DNAH8: variants seen among roughly 807,000 people sequenced by gnomAD.
DNAH8 encodes dynein axonemal heavy chain 8, also known as axonemal beta dynein heavy chain 8.
DNAH8 carries 382 observed loss-of-function variants against 562.1 expected under a neutral mutation model. The ratio of observed to expected loss-of-function variants is 0.68; its 90% CI spans 0.63 to 0.74. The LOEUF (loss-of-function observed/expected upper bound fraction) is 0.74. DNAH8 is among the 30% of genes least tolerant of loss of function. The pLI is 0.00. For synonymous variants in DNAH8, 1,881 were observed against 1,919.4 expected (o/e 0.98, Z 0.52); for missense variants, 5,203 against 5,620.4 (o/e 0.93, Z 2.37).
intron 57 of DNAH8, among the ~76,000 whole-genome samples, chr6:38,889,726 G>A (rs1269929527): frequency 6.6e-6 from 1 of 152,078 alleles, no homozygotes; most frequent in East Asian, 1.9e-4. Flanking sequence ...CTAGAATATA[G>A]GATTTCAGGA....
rs149020489 is a variant in DNAH8 at position 38,828,211 on chromosome 6, G to A, written c.4111G>A (p.Glu1371Lys). The change falls in exon 30 of 93, where the codon GAA becomes AAA. Residue 1371 changes from glutamate (E) to lysine (K), a missense_variant. By Grantham distance (56) the Glu-to-Lys change is moderately conservative. This residue lies in a region of DNAH8 where 2,176 missense variants were observed against 2,365.1 expected (regional missense o/e 0.92). Coordinates refer to ENST00000327475, the MANE Select transcript of DNAH8 (RefSeq NM_001206927.2). ...EEAYAILNRF[E>K]VEVTKEESEA... ...AGCCTATGCTATTTTAAACAGATTT[G>A]AAGTTGAAGTAACCAAAGAAGAATC... is the stretch of plus-strand genomic sequence containing the variant. The A allele has an allele frequency of 7.6e-5, 122 of 1,594,838 alleles. No individual in the cohort carries two copies. The African/African-American group carries it at 1.1e-3, about 15-fold the overall frequency.
At chr6:38,870,071 T>C (rs554216875) in intron 48 of DNAH8, among the ~76,000 whole-genome samples, 1 of 152,270 alleles carries the variant, frequency 6.6e-6, no homozygotes, top group African/African-American at 2.4e-5. Flanking sequence ...GGAACTCCCG[T>C]TTACAAAACC....
At chr6:38,925,586 C>T (rs968179035) in intron 73 of DNAH8, among the ~76,000 whole-genome samples, 14 of 151,980 alleles carry the variant, frequency 9.2e-5, no homozygotes, top group East Asian at 7.7e-4. Flanking sequence ...TGATGAGCTC[C>T]GGCCAATATA....
intron 5 of DNAH8, among the ~76,000 whole-genome samples, chr6:38,735,247 C>T (rs1030112563): frequency 7.2e-5 from 11 of 152,062 alleles, no homozygotes; most frequent in South Asian, 4.2e-4. Flanking sequence ...AGTAGGCTCT[C>T]GACAAATATT....
rs1268449600 is a variant in DNAH8, at chr6:38,803,283, A to G, written c.3006A>G (p.Lys1002=). Residue 1002 remains lysine (K), a synonymous_variant, in exon 22 of 93, where the codon AAA becomes AAG. Transcript: ENST00000327475. ...ISIFEQIYEV[K]YTGKVGKQSE... ...TATTTGAGCAGATTTATGAAGTGAA[A>G]TACACTGGGAAAGTAGGAAAACAGT... 2 of 1,603,334 alleles carry G rather than the reference A, an allele frequency of 1.2e-6. No homozygotes were observed. Among genetic ancestry groups the G allele is most frequent in the African/African-American group, 2.7e-5 (2 of 74,594 alleles).
chr6:38,751,610 T>C (rs1765458383), intron 9 of DNAH8, among the ~76,000 whole-genome samples: 1 of 152,234 alleles, frequency 6.6e-6, no homozygotes, highest in Middle Eastern at 3.2e-3. Context: ...TCTAGCCTAC[T>C]CTTCTCATAA....
chr6:39,013,904 C>A (rs1766396775), intron 91 of DNAH8, among the ~76,000 whole-genome samples: 1 of 151,654 alleles, frequency 6.6e-6, no homozygotes, highest in Admixed American at 6.6e-5. Context: ...GCACAAGGGA[C>A]TTCTGGGGCC....
intron 52 of DNAH8, 91 bp from the exon 53 acceptor site, chr6:38,875,500 C>T: frequency 1.3e-5 from 10 of 788,712 alleles, no homozygotes; most frequent in Non-Finnish European, 1.9e-5. Context: ...TTTCTTCTCT[C>T]TTCCTTCCTC....
Position 38,909,695 on chromosome 6 carries a change from G to A in DNAH8, c.9691G>A (p.Gly3231Ser). ...EIKRQVVETM[G>S]LFHDMVSESC... ...TAAAAGACAAGTTGTAGAAACAATG[G>A]GCCTGTTTCATGACATGGTTTCAGA... Residue 3231 changes from glycine (G) to serine (S), a missense_variant, in exon 65 of 93, where the codon GGC becomes AGC. This residue lies in a region of DNAH8 where 977 missense variants were observed against 1,061.8 expected (regional missense o/e 0.92). Coordinates refer to ENST00000327475, the MANE Select transcript of DNAH8 (RefSeq NM_001206927.2). 2 of 1,614,042 alleles carry A rather than the reference G, an allele frequency of 1.2e-6. No individual in the cohort carries two copies. The highest frequency in any genetic ancestry group is 1.7e-6 in the Non-Finnish European group (2 of 1,179,970).
chr6:38,830,992 T>C (rs1773787442), intron 30 of DNAH8, among the ~76,000 whole-genome samples: 2 of 152,336 alleles, frequency 1.3e-5, no homozygotes, highest in East Asian at 3.9e-4. Flanking sequence ...AATAAACTCA[T>C]GTTTATTTAA....
intron 88 of DNAH8, among the ~76,000 whole-genome samples, chr6:38,994,340 T>A (rs1160400651): frequency 6.6e-6 from 1 of 152,198 alleles, no homozygotes; most frequent in Non-Finnish European, 1.5e-5. Flanking sequence ...CTTGTGATTT[T>A]CCCCCATTGA....
rs1454428814 is a variant in DNAH8 at position 38,839,955 on chromosome 6, T to TC, written c.4466+1915dup. Among the ~76,000 whole-genome samples the TC allele has an allele frequency of 2.0e-5, 3 of 152,196 alleles. No individual in the cohort carries two copies. In the East Asian group the frequency reaches 5.8e-4, roughly 29 times the overall value. ...GGGATTACAGGTGTGGGCCACCATG[T>TC]CCGGTGAAGAAGCACTTTTATTAGA... On this transcript the variant is annotated intron_variant, in intron 33 of 92. Transcript: ENST00000327475.
At chr6:38,900,047 G>C (rs761663927) in intron 62 of DNAH8, 141 bp downstream of exon 62, 10 of 688,618 alleles carry the variant, frequency 1.5e-5, no homozygotes, top group Non-Finnish European at 1.9e-5. Flanking sequence ...GGATATTTAC[G>C]CAAGTGTCAC....
At chr6:38,875,904 T>C in intron 53 of DNAH8, 76 bp downstream of exon 53, 2 of 861,976 alleles carry the variant, frequency 2.3e-6, no homozygotes, top group South Asian at 3.2e-5. Context: ...TAAACTCTTC[T>C]ATGAGAGAAT....
At chr6:39,016,162 G>T (rs767279853) in intron 91 of DNAH8, among the ~76,000 whole-genome samples, 1 of 152,174 alleles carries the variant, frequency 6.6e-6, no homozygotes, top group Admixed American at 6.5e-5. Context: ...CAACATGAAT[G>T]TATCTCCTGG....
At chr6:39,029,280 G>T (rs958243894) in intron 92 of DNAH8, among the ~76,000 whole-genome samples, 1 of 151,956 alleles carries the variant, frequency 6.6e-6, no homozygotes. Context: ...TCTCTCCTCT[G>T]TCTTTCCAAA....
chr6:38,873,382 A>ATT lies in DNAH8; in HGVS notation c.7620+14_7620+15dup. 1 of 1,566,434 alleles carries ATT rather than the reference A, an allele frequency of 6.4e-7. No individual in the cohort carries two copies. The highest frequency in any genetic ancestry group is 1.2e-5 in the South Asian group (1 of 82,376). On this transcript the variant is annotated splice_region_variant and intron_variant, in intron 52 of 92. Transcript: ENST00000327475. ...AGTGCAACTATATTGTGCAAGTAAG[A>ATT]TTTTTTTTTGTACATTTACTACTTC...
intron 57 of DNAH8, among the ~76,000 whole-genome samples, chr6:38,890,262 A>G (rs1779250580): frequency 6.6e-6 from 1 of 152,180 alleles, no homozygotes; most frequent in South Asian, 2.1e-4. Context: ...CTAAGCTCAC[A>G]TATGCTTCAG....
chr6:38,964,956 C>G (rs1032097023), intron 82 of DNAH8, among the ~76,000 whole-genome samples: 1 of 151,966 alleles, frequency 6.6e-6, no homozygotes, highest in Admixed American at 6.6e-5. Context: ...CCTAGCTACT[C>G]AGGAAGCTGA....
Sources: allele counts gnomAD v4.1 joint callset (sites outside exome capture counted in the v4.1 genomes callset), GRCh38; gene constraint gnomAD v4.1.1; regional missense constraint gnomAD v4.1.1; transcripts MANE v1.5; gene names NCBI Gene and HGNC (gene_info 2026-07-23, HGNC 2026-07-21).